The following GMDS variants were observed in gnomAD, a reference collection of about 807,000 sequenced individuals.
The protein encoded by GMDS is GDP-mannose 4,6-dehydratase.
In GMDS, 20 loss-of-function variants were observed where a neutral mutation model predicts 49.9. The observed-to-expected ratio is 0.40, with a 90% CI of 0.28 to 0.58. The LOEUF (loss-of-function observed/expected upper bound fraction) is 0.58, where lower values mean the gene tolerates loss of function less well. GMDS is among the 20% of genes least tolerant of loss of function. The pLI is 0.42. For synonymous variants in GMDS, 177 were observed against 178.6 expected (o/e 0.99, Z 0.07); for missense variants, 362 against 481.4 (o/e 0.75, Z 2.32).
At chr6:1,740,698 T>G (rs890761665) in intron 8 of GMDS, among the ~76,000 whole-genome samples, 21 of 151,954 alleles carry the variant, frequency 1.4e-4, no homozygotes, top group Non-Finnish European at 1.2e-4. Flanking sequence ...TTTTTTTTTT[T>G]GAAAAATGAG....
chr6:1,867,276 TTAAA>T (rs1369797703), intron 7 of GMDS, among the ~76,000 whole-genome samples: 1 of 152,220 alleles, frequency 6.6e-6, no homozygotes, highest in African/African-American at 2.4e-5. Flanking sequence ...TTAAAAGTAG[TTAAA>T]TAAGTCTTTT....
intron 9 of GMDS, among the ~76,000 whole-genome samples, chr6:1,673,679 G>GC: frequency 6.6e-6 from 1 of 152,030 alleles, no homozygotes; most frequent in South Asian, 2.1e-4. Context: ...TGCCACAAAA[G>GC]CCCCCTGTGC....
intron 4 of GMDS, among the ~76,000 whole-genome samples, chr6:2,076,350 A>C (rs9392363): frequency 0.2 from 29,796 of 152,088 alleles, 3,433 homozygotes; most frequent in Non-Finnish European, 0.24. Flanking sequence ...TAATTTATAG[A>C]TTCAATGCCA....
intron 7 of GMDS, among the ~76,000 whole-genome samples, chr6:1,779,055 G>A (rs1224258367): frequency 2.0e-5 from 3 of 152,066 alleles, no homozygotes; most frequent in Non-Finnish European, 4.4e-5. Flanking sequence ...TCAAGTGGGG[G>A]TCTCAAGAGA....
intron 1 of GMDS, among the ~76,000 whole-genome samples, chr6:2,209,183 T>C (rs1447308454): frequency 6.6e-6 from 1 of 152,236 alleles, no homozygotes; most frequent in Non-Finnish European, 1.5e-5. Flanking sequence ...TATTCTGGTG[T>C]TAAAATATCC....
At position 2,017,597 on chromosome 6, in the gene GMDS, C is replaced by T. The variant is rs549946059; in HGVS notation, c.346-56631G>A. Among the ~76,000 whole-genome samples, 4 of 152,266 alleles carry T rather than the reference C, an allele frequency of 2.6e-5. No homozygotes were observed. In the East Asian group the frequency reaches 5.8e-4, roughly 22 times the overall value. The stretch of plus-strand genomic sequence containing the variant: ...GTGCTGGAATTACAGGTGTGAGCTA[C>T]CGTGTCCAGCCCACAATTGACCCTT... On this transcript the variant is annotated intron_variant, in intron 4 of 10. Coordinates refer to ENST00000380815, the MANE Select transcript of GMDS (RefSeq NM_001500.4).
intron 1 of GMDS, among the ~76,000 whole-genome samples, chr6:2,212,310 C>G (rs1048602400): frequency 6.6e-6 from 1 of 152,146 alleles, no homozygotes; most frequent in African/African-American, 2.4e-5. Flanking sequence ...AAAACTTAAG[C>G]AGGCAAGCAT....
chr6:1,796,057 C>A (rs1175075953), intron 7 of GMDS, among the ~76,000 whole-genome samples: 1 of 152,122 alleles, frequency 6.6e-6, no homozygotes, highest in Admixed American at 6.5e-5. Context: ...GGAAAGAGTT[C>A]TTCTCCCCAT....
At position 2,148,667 on chromosome 6, in the gene GMDS, G is replaced by A. The variant is rs768746627; in HGVS notation, c.103-23936C>T. ...ACTCCTGACCTCAGGTGATCCGCCC[G>A]CCTTGGCCTCCCAAAGTGCTGGGAT... On this transcript the variant is annotated intron_variant, in intron 1 of 10. Coordinates refer to ENST00000380815, the MANE Select transcript of GMDS (RefSeq NM_001500.4). Among the ~76,000 whole-genome samples, 6 of 152,164 alleles carry A rather than the reference G, an allele frequency of 3.9e-5. 1 individual carries two copies. The highest frequency in any genetic ancestry group is 1.3e-4 in the Admixed American group (2 of 15,278).
chr6:2,209,663 T>C (rs1463984431), intron 1 of GMDS, among the ~76,000 whole-genome samples: 2 of 152,072 alleles, frequency 1.3e-5, no homozygotes, highest in African/African-American at 4.8e-5. Context: ...TTATTTTACC[T>C]ATGTTTAGCA....
chr6:1,950,910 C>T (rs1257009900), intron 6 of GMDS, among the ~76,000 whole-genome samples: 2 of 152,102 alleles, frequency 1.3e-5, no homozygotes, highest in African/African-American at 2.4e-5. Flanking sequence ...ACAGGACAGG[C>T]GTTTGTTATA....
At chr6:1,765,073 C>T (rs1768297640) in intron 7 of GMDS, among the ~76,000 whole-genome samples, 1 of 151,902 alleles carries the variant, frequency 6.6e-6, no homozygotes, top group African/African-American at 2.4e-5. Context: ...GAGGAAGAAA[C>T]CTTAACTGAC....
intron 4 of GMDS, among the ~76,000 whole-genome samples, chr6:2,067,441 AC>A (rs1378790634): frequency 6.6e-6 from 1 of 151,836 alleles, no homozygotes; most frequent in Non-Finnish European, 1.5e-5. Context: ...AAATAGAGAC[AC>A]AAAAAACCCT....
rs189002317 is a variant in GMDS at position 2,182,759 on chromosome 6, A to G, written c.103-58028T>C. Among the ~76,000 whole-genome samples, 14 of 152,332 alleles carry G rather than the reference A, an allele frequency of 9.2e-5. No homozygotes were observed. In the East Asian group the frequency reaches 2.3e-3, roughly 25 times the overall value. On this transcript the variant is annotated intron_variant, in intron 1 of 10. Transcript: ENST00000380815. ...ATCACTGTGTTGCCCAGGCCAGAGT[A>G]CAGTGGTGCAATCTAAACTCACTGC...
At chr6:1,652,802 G>T (rs1763756259) in intron 9 of GMDS, among the ~76,000 whole-genome samples, 1 of 127,664 alleles carries the variant, frequency 7.8e-6, no homozygotes, top group South Asian at 2.4e-4. Context: ...TTTCTGGCCA[G>T]CTCAGACACT....
chr6:2,168,109 T>C (rs990847417), intron 1 of GMDS, among the ~76,000 whole-genome samples: 1 of 152,126 alleles, frequency 6.6e-6, no homozygotes, highest in Non-Finnish European at 1.5e-5. Flanking sequence ...ACTGAGGAGG[T>C]ACAAACTTCT....
chr6:1,808,088 G>A (rs1286620792), intron 7 of GMDS, among the ~76,000 whole-genome samples: 1 of 152,110 alleles, frequency 6.6e-6, no homozygotes, highest in Non-Finnish European at 1.5e-5. Context: ...ACGCTTTTCT[G>A]CCTCCCTGAT....
At chr6:2,054,426 G>A (rs1240203283) in intron 4 of GMDS, among the ~76,000 whole-genome samples, 2 of 152,092 alleles carry the variant, frequency 1.3e-5, no homozygotes, top group Admixed American at 1.3e-4. Flanking sequence ...AATAGCTCTA[G>A]TGAATTTCCT....
At chr6:2,234,534 A>C (rs6925078) in intron 1 of GMDS, among the ~76,000 whole-genome samples, 1 of 152,038 alleles carries the variant, frequency 6.6e-6, no homozygotes, top group Non-Finnish European at 1.5e-5. Context: ...ACTTGAACCC[A>C]GGAGGCGGAG....
Sources: allele counts gnomAD v4.1 joint callset (sites outside exome capture counted in the v4.1 genomes callset), GRCh38; gene constraint gnomAD v4.1.1; transcripts MANE v1.5; gene names NCBI Gene and HGNC (gene_info 2026-07-23, HGNC 2026-07-21).